PLGRKT: variants seen among roughly 807,000 people sequenced by gnomAD.
PLGRKT encodes the protein plasminogen receptor with a C-terminal lysine.
A neutral mutation model predicts 18.5 loss-of-function variants in PLGRKT; 22 were observed. That is an observed-to-expected ratio of 1.19 (90% confidence interval 0.85 to 1.70). The LOEUF is 1.70. Ranked by LOEUF, PLGRKT falls within the 40% of genes most tolerant of loss-of-function variation. The pLI, the probability that PLGRKT is intolerant of heterozygous loss-of-function variation, is 0.00. For missense variants in PLGRKT, 235 were observed against 174.4 expected, an observed-to-expected ratio of 1.35 and a Z score of -1.96; for synonymous variants, 72 against 52.8, an observed-to-expected ratio of 1.36 and a Z score of -1.58.
At chr9:5,411,909 C>A (rs1236543161) in intron 3 of PLGRKT, among the ~76,000 whole-genome samples, 5 of 152,102 alleles carry the variant, frequency 3.3e-5, no homozygotes, top group African/African-American at 1.2e-4. Flanking sequence ...TTAATACAAT[C>A]CCAATGAAAA....
intron 3 of PLGRKT, among the ~76,000 whole-genome samples, chr9:5,380,067 T>C (rs939981683): frequency 6.6e-6 from 1 of 152,146 alleles, no homozygotes; most frequent in Non-Finnish European, 1.5e-5. Flanking sequence ...ATGAACAATT[T>C]AAAACAAAAA....
At chr9:5,427,232 T>G (rs555905958) in intron 3 of PLGRKT, among the ~76,000 whole-genome samples, 1 of 152,314 alleles carries the variant, frequency 6.6e-6, no homozygotes, top group African/African-American at 2.4e-5. Context: ...GCCTGTTAGT[T>G]ACCTAATAGC....
chr9:5,438,172 A>G (rs529856841), upstream of PLGRKT, among the ~76,000 whole-genome samples: 6 of 152,362 alleles, frequency 3.9e-5, no homozygotes, highest in Admixed American at 2.0e-4. Context: ...AGTCATAAAG[A>G]TAAGACAGAA....
At chr9:5,376,930 T>A (rs188283476) in intron 3 of PLGRKT, among the ~76,000 whole-genome samples, 1 of 152,324 alleles carries the variant, frequency 6.6e-6, no homozygotes, top group East Asian at 1.9e-4. Flanking sequence ...TATACCTTGT[T>A]GTTCTTTTAG....
chr9:5,430,439 C>G (rs73397163), intron 3 of PLGRKT, among the ~76,000 whole-genome samples: 2,447 of 152,176 alleles, frequency 0.016, 64 homozygotes, highest in African/African-American at 0.055. Flanking sequence ...TCATTGTCCC[C>G]AAAGAGATAT....
chr9:5,378,400 C>T (rs1817672180), intron 3 of PLGRKT, among the ~76,000 whole-genome samples: 1 of 152,168 alleles, frequency 6.6e-6, no homozygotes, highest in Non-Finnish European at 1.5e-5. Context: ...GGGAGTCCAA[C>T]AGAAACTGTG....
chr9:5,386,472 T>A (rs924638689), intron 3 of PLGRKT, among the ~76,000 whole-genome samples: 4 of 151,740 alleles, frequency 2.6e-5, no homozygotes, highest in Non-Finnish European at 4.4e-5. Context: ...CTGCTGAACA[T>A]CATATGATAT....
At chr9:5,393,393 A>ATT (rs1436735473) in intron 3 of PLGRKT, among the ~76,000 whole-genome samples, 2 of 151,816 alleles carry the variant, frequency 1.3e-5, no homozygotes, top group Admixed American at 6.6e-5. Context: ...AAATATGTGG[A>ATT]TTTTTAAAAA....
chr9:5,430,147 G>C (rs1207432216), intron 3 of PLGRKT, among the ~76,000 whole-genome samples: 3 of 152,192 alleles, frequency 2.0e-5, no homozygotes, highest in Non-Finnish European at 2.9e-5. Context: ...CATGCTGTTT[G>C]CTGTGCTGTG....
In PLGRKT at chr9:5,360,432, T is replaced by C. The variant is rs1233824792; in HGVS notation, c.322+646A>G. Among the ~76,000 whole-genome samples, 6 of 152,148 alleles carry C rather than the reference T, an allele frequency of 3.9e-5. No individual in the cohort carries two copies. In the East Asian group the frequency reaches 1.2e-3, roughly 29 times the overall value. On this transcript the variant is annotated intron_variant, in intron 5 of 5. Coordinates refer to ENST00000223864, the MANE Select transcript of PLGRKT (RefSeq NM_018465.4). ...AAGGCAGCCACAGACAATACATAAA[T>C]GAATGAGCATGGATGTGTCCCAATA...
chr9:5,406,216 T>G (rs113215480), intron 3 of PLGRKT, among the ~76,000 whole-genome samples: 5,923 of 152,180 alleles, frequency 0.039, 396 homozygotes, highest in African/African-American at 0.14. Flanking sequence ...TCTCAAAGAT[T>G]TAGAACCGAA....
At chr9:5,424,691 T>TATATATATATATATACACAC (rs201541927) in intron 3 of PLGRKT, among the ~76,000 whole-genome samples, 1 of 70,486 alleles carries the variant, frequency 1.4e-5, no homozygotes, top group African/African-American at 6.1e-5. Context: ...TATATATATA[T>TATATATATATATATACACAC]ACACACAGGG....
chr9:5,422,680 T>C (rs1304945063), intron 3 of PLGRKT, among the ~76,000 whole-genome samples: 2 of 152,208 alleles, frequency 1.3e-5, no homozygotes, highest in African/African-American at 4.8e-5. Context: ...ATTGCTAATT[T>C]AGCTAAATAT....
At chr9:5,398,223 G>A (rs1244995375) in intron 3 of PLGRKT, among the ~76,000 whole-genome samples, 4 of 151,810 alleles carry the variant, frequency 2.6e-5, no homozygotes, top group Non-Finnish European at 5.9e-5. Context: ...CATCAGGGGT[G>A]GGTTACCCTC....
chr9:5,420,113 G>T (rs942654466), intron 3 of PLGRKT, among the ~76,000 whole-genome samples: 15 of 152,184 alleles, frequency 9.9e-5, no homozygotes, highest in Admixed American at 9.8e-4. Context: ...ATTGGAGGAA[G>T]CCAGACACAA....
intron 3 of PLGRKT, among the ~76,000 whole-genome samples, chr9:5,413,834 C>T (rs528201757): frequency 6.6e-6 from 1 of 152,294 alleles, no homozygotes; most frequent in African/African-American, 2.4e-5. Context: ...GATATAGCTA[C>T]ACAATAAAAT....
chr9:5,425,078 T>C (rs1818670198), intron 3 of PLGRKT, among the ~76,000 whole-genome samples: 1 of 152,148 alleles, frequency 6.6e-6, no homozygotes, highest in Admixed American at 6.5e-5. Flanking sequence ...TAAACATCTA[T>C]TTACTGCCCA....
chr9:5,406,524 C>A (rs531501990), intron 3 of PLGRKT, among the ~76,000 whole-genome samples: 1 of 151,436 alleles, frequency 6.6e-6, no homozygotes, highest in African/African-American at 2.4e-5. Context: ...AAACCAAACA[C>A]TGCATGTTCT....
intron 3 of PLGRKT, among the ~76,000 whole-genome samples, chr9:5,396,895 T>C (rs1818060649): frequency 6.6e-6 from 1 of 151,982 alleles, no homozygotes; most frequent in South Asian, 2.1e-4. Context: ...CACTTCATTT[T>C]CAGTGAGTTG....
Sources: gnomAD v4.1 joint callset for allele counts (sites outside exome capture counted in the v4.1 genomes callset) on GRCh38, gnomAD v4.1.1 for gene constraint, MANE v1.5 for transcripts, NCBI Gene and HGNC (gene_info 2026-07-23, HGNC 2026-07-21) for gene names.